Variants in AGTPBP1 observed in about 807,000 individuals in gnomAD.
The protein encoded by AGTPBP1 is cytosolic carboxypeptidase 1.
Under a neutral mutation model 143.9 loss-of-function variants are expected in AGTPBP1, and 70 were observed. The ratio of observed to expected loss-of-function variants is 0.49; its 90% CI spans 0.40 to 0.59. The LOEUF (loss-of-function observed/expected upper bound fraction) is 0.59. AGTPBP1 is among the 20% of genes least tolerant of loss of function. The probability of loss-of-function intolerance (pLI) is 0.00; values close to 1 mark genes in which losing one functional copy is unlikely to be tolerated. For missense variants in AGTPBP1, 1,229 were observed against 1,464.5 expected, an observed-to-expected ratio of 0.84 and a Z score of 2.62; for synonymous variants, 463 against 500.2, an observed-to-expected ratio of 0.93 and a Z score of 0.99.
intron 8 of AGTPBP1, among the ~76,000 whole-genome samples, chr9:85,662,440 C>T (rs1184288809): frequency 6.6e-6 from 1 of 152,112 alleles, no homozygotes; most frequent in Non-Finnish European, 1.5e-5. Context: ...CAGTAAGAAA[C>T]TTTCCATACT....
At chr9:85,760,104 C>A in the AGTPBP1 span, among the ~76,000 whole-genome samples, 126 of 152,200 alleles carry the variant, frequency 8.3e-4, 1 homozygote, top group African/African-American at 8.4e-4. Context: ...CAATGACAGG[C>A]TCTGAAATTG....
chr9:85,780,792 T>C, the AGTPBP1 span, among the ~76,000 whole-genome samples: 2 of 152,216 alleles, frequency 1.3e-5, no homozygotes. Context: ...CTTCTTATCC[T>C]TTAAATATAT....
chr9:85,752,821 G>C, the AGTPBP1 span, among the ~76,000 whole-genome samples: 2 of 152,088 alleles, frequency 1.3e-5, no homozygotes, highest in Non-Finnish European at 2.9e-5. Context: ...AGACTGGCCT[G>C]GGCAACATAG....
rs533062809 is a variant in AGTPBP1 at position 85,614,992 on chromosome 9, G to A, written c.2335+3991C>T. Among the ~76,000 whole-genome samples, 20 of 152,184 alleles carry A rather than the reference G, an allele frequency of 1.3e-4. No individual in the cohort carries two copies. In the South Asian group the frequency reaches 3.5e-3, roughly 27 times the overall value. On this transcript the variant is annotated intron_variant, in intron 17 of 25. Transcript: ENST00000357081. ...TTCTGAACGGTATTTCGTACCTTTC[G>A]TTCATTCGTGGCTCAGGTATGCAGT...
intron 25 of AGTPBP1, among the ~76,000 whole-genome samples, chr9:85,553,480 G>A (rs1826151625): frequency 6.6e-6 from 1 of 152,162 alleles, no homozygotes; most frequent in Non-Finnish European, 1.5e-5. Flanking sequence ...TGTAGGCTAG[G>A]CTAAGCTATG....
At chr9:85,712,465 T>A (rs1837441600) in intron 2 of AGTPBP1, 37 bp downstream of exon 2, 7 of 1,181,154 alleles carry the variant, frequency 5.9e-6, no homozygotes, top group Non-Finnish European at 8.3e-6. Context: ...ACATTATTTC[T>A]GTAACTTATG....
intron 25 of AGTPBP1, among the ~76,000 whole-genome samples, chr9:85,573,502 T>C (rs977223870): frequency 6.6e-6 from 1 of 152,274 alleles, no homozygotes. Flanking sequence ...AGTGCCGAGA[T>C]TGCAGCCTCT....
intron 17 of AGTPBP1, among the ~76,000 whole-genome samples, chr9:85,601,063 C>T (rs1028342579): frequency 6.6e-6 from 1 of 152,180 alleles, no homozygotes; most frequent in African/African-American, 2.4e-5. Flanking sequence ...GCAGTGTGGT[C>T]ACCCTATATT....
chr9:85,727,969 A>G (rs1252877649), intron 1 of AGTPBP1, among the ~76,000 whole-genome samples: 1 of 151,556 alleles, frequency 6.6e-6, no homozygotes, highest in Non-Finnish European at 1.5e-5. Context: ...TCAAGGTTGC[A>G]GTGAGCTATG....
chr9:85,732,509 T>A (rs950692699), intron 1 of AGTPBP1, among the ~76,000 whole-genome samples: 1 of 152,088 alleles, frequency 6.6e-6, no homozygotes, highest in Non-Finnish European at 1.5e-5. Flanking sequence ...AAAACCACTA[T>A]AACCCAAAGT....
chr9:85,635,300 G>A (rs1831968391), intron 13 of AGTPBP1, among the ~76,000 whole-genome samples: 1 of 152,090 alleles, frequency 6.6e-6, no homozygotes, highest in Non-Finnish European at 1.5e-5. Flanking sequence ...TTCCTTGAAT[G>A]TCCACTGTAT....
rs145452535 is a variant in AGTPBP1, at chr9:85,584,190, G to T, written c.3165+1273C>A. The stretch of plus-strand genomic sequence containing the variant: ...ATATTCCCCTTTTCTATATCACTGA[G>T]CTCTACTAATCTACTTGGTTTCCTT... On this transcript the variant is annotated intron_variant, in intron 23 of 25. Coordinates refer to ENST00000357081, the MANE Select transcript of AGTPBP1 (RefSeq NM_001330701.2). Among the ~76,000 whole-genome samples the T allele has an allele frequency of 1.6e-3, 250 of 152,028 alleles. 1 individual carries two copies. The highest frequency in any genetic ancestry group is 4.9e-3 in the African/African-American group (202 of 41,452).
intron 11 of AGTPBP1, among the ~76,000 whole-genome samples, chr9:85,653,098 G>A (rs764194467): frequency 2.0e-5 from 3 of 152,036 alleles, no homozygotes; most frequent in Non-Finnish European, 4.4e-5. Context: ...ATATAATGAA[G>A]CCTGACATGT....
At chr9:85,656,430 T>A (rs896171563) in intron 10 of AGTPBP1, among the ~76,000 whole-genome samples, 6 of 152,142 alleles carry the variant, frequency 3.9e-5, no homozygotes, top group African/African-American at 1.4e-4. Context: ...GTACATATGA[T>A]TGATCTAGAA....
At chr9:85,742,086 CT>C, upstream of AGTPBP1, 1 of 1,092,208 alleles carries the variant, frequency 9.2e-7, no homozygotes, top group Non-Finnish European at 1.1e-6. Context: ...CGCACGCCCT[CT>C]TCCCGCCGCG....
At chr9:85,691,309 A>G (rs1435874047) in intron 3 of AGTPBP1, among the ~76,000 whole-genome samples, 1 of 152,166 alleles carries the variant, frequency 6.6e-6, no homozygotes, top group African/African-American at 2.4e-5. Flanking sequence ...CAAAATAAAT[A>G]TAAGGGTCTA....
At chr9:85,742,899 G>A (rs1824464661), upstream of AGTPBP1, among the ~76,000 whole-genome samples, 1 of 152,158 alleles carries the variant, frequency 6.6e-6, no homozygotes, top group Admixed American at 6.5e-5. Context: ...AGAACTGTGA[G>A]ATTTTTGTTT....
intron 2 of AGTPBP1, among the ~76,000 whole-genome samples, chr9:85,696,573 C>G (rs1836257333): frequency 6.6e-6 from 1 of 151,710 alleles, no homozygotes; most frequent in African/African-American, 2.4e-5. Flanking sequence ...GAGGCTGAGG[C>G]AGGAGAATTG....
At chr9:85,739,212 A>C (rs1470571033) in intron 1 of AGTPBP1, among the ~76,000 whole-genome samples, 1 of 152,186 alleles carries the variant, frequency 6.6e-6, no homozygotes, top group African/African-American at 2.4e-5. Flanking sequence ...ATAACATCTG[A>C]AGTTTAAAAT....
Sources: gnomAD v4.1 joint callset for allele counts (sites outside exome capture counted in the v4.1 genomes callset) on GRCh38, gnomAD v4.1.1 for gene constraint, MANE v1.5 for transcripts, NCBI Gene and HGNC (gene_info 2026-07-23, HGNC 2026-07-21) for gene names.